The following FLNB variants were observed in gnomAD, a reference collection of about 807,000 sequenced individuals.
The protein encoded by FLNB is filamin-B.
In FLNB, 111 loss-of-function variants were observed where a neutral mutation model predicts 250.6. The observed-to-expected ratio is 0.44, with a 90% CI of 0.38 to 0.52. The LOEUF is 0.52. FLNB is among the 20% of genes least tolerant of loss of function. The pLI is 0.00. For missense variants in FLNB, 2,869 were observed against 3,447.8 expected (o/e 0.83, Z 4.20); for synonymous variants, 1,302 against 1,372.1 (o/e 0.95, Z 1.13).
intron 36 of FLNB, chr3:58,149,555 A>G: frequency 2.1e-6 from 1 of 468,908 alleles, no homozygotes; most frequent in Non-Finnish European, 3.9e-6. Flanking sequence ...TGAGGGCAGA[A>G]GGTCCTCCCC....
intron 12 of FLNB, among the ~76,000 whole-genome samples, chr3:58,107,578 C>T (rs1233075233): frequency 6.6e-6 from 1 of 152,186 alleles, no homozygotes; most frequent in Non-Finnish European, 1.5e-5. Flanking sequence ...ATATGTCAGT[C>T]TTACAGCCAT....
rs138327769 is a variant in FLNB, at chr3:58,154,836, C to G, written c.6680C>G (p.Ser2227Cys). The G allele has an allele frequency of 3.5e-4, 564 of 1,613,964 alleles. 4 individuals are homozygous for G. The East Asian group carries it at 9.9e-3, about 28-fold the overall frequency. ...CGGGAAGCAGGCGCTGGAGGCCTCT[C>G]CATCGCTGTTGAGGGCCCCAGTAAG... ...WTREAGAGGL[S>C]IAVEGPSKAE... The change falls in exon 40 of 46, where the codon TCC becomes TGC. Residue 2227 changes from serine (S) to cysteine (C), a missense_variant. Coordinates refer to ENST00000295956, the MANE Select transcript of FLNB (RefSeq NM_001457.4).
chr3:58,013,819 A>G (rs2097102252), intron 1 of FLNB, among the ~76,000 whole-genome samples: 1 of 152,220 alleles, frequency 6.6e-6, no homozygotes, highest in South Asian at 2.1e-4. Flanking sequence ...GCAAAACTCC[A>G]TCTCAAAAAA....
chr3:58,074,461 C>G (rs1408505705), intron 1 of FLNB, among the ~76,000 whole-genome samples: 1 of 151,892 alleles, frequency 6.6e-6, no homozygotes, highest in African/African-American at 2.4e-5. Flanking sequence ...CTCATACTTG[C>G]AAAAGAGAGT....
In FLNB at chr3:58,171,503, C is replaced by A. The variant is rs1290788210; in HGVS notation, c.*741C>A. 6.6e-6 allele frequency: 1 copy of A among 152,330 alleles called. No individual in the cohort carries two copies. Among genetic ancestry groups the A allele is most frequent in the African/African-American group, 2.4e-5 (1 of 41,428 alleles). The allele number at this position is 152,330 out of a possible 1,614,324, so 9.4% of individuals were successfully genotyped here. The stretch of plus-strand genomic sequence containing the variant: ...TTAGTTTTCCAAGTCCGTTTCAGTC[C>A]CTTCCTTGGTCTGAAGAAATTCTGC... On this transcript the variant is annotated 3_prime_UTR_variant, in exon 46 of 46. Coordinates refer to ENST00000295956, the MANE Select transcript of FLNB (RefSeq NM_001457.4). The surrounding 1 kb of genome is among the most constrained non-coding windows in gnomAD (Gnocchi z 5.5).
At chr3:58,156,117 C>T in intron 41 of FLNB, 42 bp downstream of exon 41, 1 of 1,434,396 alleles carries the variant, frequency 7.0e-7, no homozygotes, top group Non-Finnish European at 9.8e-7. Context: ...CCGCAGGCCA[C>T]CAGTGAGACC....
chr3:58,081,255 G>T, intron 3 of FLNB, among the ~76,000 whole-genome samples: 1 of 152,034 alleles, frequency 6.6e-6, no homozygotes. Context: ...GCACTTTTTT[G>T]TAACATGCTC....
At chr3:58,046,218 C>T (rs1054044412) in intron 1 of FLNB, among the ~76,000 whole-genome samples, 12 of 151,924 alleles carry the variant, frequency 7.9e-5, no homozygotes, top group Non-Finnish European at 2.9e-5. Flanking sequence ...GTCACAGGGA[C>T]CAAGGGATTT....
At chr3:58,078,851 C>A in intron 3 of FLNB, 37 bp downstream of exon 3, 1 of 1,524,536 alleles carries the variant, frequency 6.6e-7, no homozygotes, top group Non-Finnish European at 9.0e-7. Flanking sequence ...GAGGCTGCCC[C>A]CACCCACTAG....
chr3:58,063,027 TGAGGC>T (rs754521432), intron 1 of FLNB, among the ~76,000 whole-genome samples: 4 of 152,234 alleles, frequency 2.6e-5, no homozygotes, highest in Non-Finnish European at 5.9e-5. Context: ...CGCAGCCTGA[TGAGGC>T]GAGGGAGTTA....
intron 12 of FLNB, 62 bp downstream of exon 12, chr3:58,106,935 C>A: frequency 2.1e-6 from 3 of 1,424,334 alleles, no homozygotes; most frequent in Non-Finnish European, 2.0e-6. Flanking sequence ...ACCCCCATGC[C>A]CGAAGTTGCC....
intron 43 of FLNB, among the ~76,000 whole-genome samples, chr3:58,167,115 G>A (rs927153434): frequency 3.3e-5 from 5 of 152,304 alleles, no homozygotes; most frequent in Admixed American, 1.3e-4. Flanking sequence ...GCAACAGAGC[G>A]AGACTCTATC....
rs554681115 is a variant in FLNB at position 58,020,416 on chromosome 3, A to C, written c.292+11560A>C. Among the ~76,000 whole-genome samples the C allele has an allele frequency of 2.0e-5, 3 of 152,296 alleles. No homozygotes were observed. The South Asian group carries it at 6.2e-4, about 32-fold the overall frequency. On this transcript the variant is annotated intron_variant, in intron 1 of 45. Transcript: ENST00000295956. ...GGCAGCACAAAGTTGTGTGAGCCAG[A>C]GCTGAACTTGTGATCCCCACGGGCA... is the stretch of plus-strand genomic sequence containing the variant.
In FLNB at chr3:58,156,064, A is replaced by C. The variant is rs146509223; in HGVS notation, c.6877A>C (p.Met2293Leu). The C allele has an allele frequency of 2.2e-5, 36 of 1,613,670 alleles. No homozygotes were observed. In the African/African-American group the frequency reaches 4.7e-4, roughly 21 times the overall value. ...PSDDARRLTV[M>L]SLQESGLKVN... ...CGACGACGCCCGCCGCCTCACTGTT[A>C]TGAGCCTTCAGGTGAGATGCAAGGA... The change falls in exon 41 of 46, where the codon ATG becomes CTG. Residue 2293 changes from methionine to leucine, a missense_variant. This residue lies in a region of FLNB where 1,084 missense variants were observed against 1,315.5 expected (regional missense o/e 0.82). Coordinates refer to ENST00000295956, the MANE Select transcript of FLNB (RefSeq NM_001457.4).
Position 58,110,103 on chromosome 3 carries a change from C to G in FLNB, c.2417C>G (p.Thr806Arg), listed in dbSNP as rs940585956. 1.2e-6 allele frequency: 2 copies of G among 1,614,084 alleles called. No individual in the cohort carries two copies. Among genetic ancestry groups the G allele is most frequent in the Admixed American group, 1.7e-5 (1 of 60,014 alleles). The change falls in exon 16 of 46, where the codon ACG becomes AGG. Residue 806 changes from threonine (T) to arginine (R), a missense_variant. Thr to Arg is a moderately conservative substitution (Grantham distance 71). Around this residue, in one of 5 missense-constraint regions of FLNB, gnomAD observed 1,348 missense variants for 1,466.7 expected, o/e 0.92. Coordinates refer to ENST00000295956, the MANE Select transcript of FLNB (RefSeq NM_001457.4). ...GACATTATTCACAATGCCAATGATA[C>G]GTTCACAGTCAAATATGTGCCTCCT... ...DFDIIHNAND[T>R]FTVKYVPPAA...
Position 58,097,950 on chromosome 3 carries a change from C to T in FLNB, c.1120C>T (p.Pro374Ser), listed in dbSNP as rs192472825. The T allele has an allele frequency of 1.2e-6, 2 of 1,614,096 alleles. No individual in the cohort carries two copies. Among genetic ancestry groups the T allele is most frequent in the East Asian group, 4.5e-5 (2 of 44,882 alleles). The change falls in exon 7 of 46, where the codon CCC becomes TCC. Residue 374 changes from proline (P) to serine (S), a missense_variant. Pro to Ser is a moderately conservative substitution (Grantham distance 74). This residue lies in a region of FLNB where 1,348 missense variants were observed against 1,466.7 expected (regional missense o/e 0.92). Transcript: ENST00000295956. ...LEAVGNIANK[P>S]TYFDIYTAGA... is the part of the protein sequence containing the mutation. ...AGCTGTAGGGAACATCGCCAATAAG[C>T]CCACCTACTTTGACATCTATACGGC... is the stretch of plus-strand genomic sequence containing the variant.
intron 1 of FLNB, among the ~76,000 whole-genome samples, chr3:58,067,246 T>C (rs571917834): frequency 6.6e-6 from 1 of 150,974 alleles, no homozygotes; most frequent in African/African-American, 2.5e-5. Context: ...CAACACAGTG[T>C]ACTAGCACCA....
intron 1 of FLNB, among the ~76,000 whole-genome samples, chr3:58,043,292 G>C (rs1440168993): frequency 6.6e-6 from 1 of 151,754 alleles, no homozygotes; most frequent in Non-Finnish European, 1.5e-5. Flanking sequence ...ACTCCACCGT[G>C]TCCGGCTAAT....
intron 1 of FLNB, among the ~76,000 whole-genome samples, chr3:58,047,045 T>C (rs2097155393): frequency 6.6e-6 from 1 of 152,228 alleles, no homozygotes; most frequent in Non-Finnish European, 1.5e-5. Flanking sequence ...TATTTTTACT[T>C]TGCCTGGTGT....
Sources: allele counts gnomAD v4.1 joint callset (sites outside exome capture counted in the v4.1 genomes callset), GRCh38; gene constraint gnomAD v4.1.1; regional missense constraint gnomAD v4.1.1; non-coding constraint Gnocchi (gnomAD v3.1); transcripts MANE v1.5; gene names NCBI Gene and HGNC (gene_info 2026-07-23, HGNC 2026-07-21).